Variants in PSMA1 observed in about 807,000 individuals in gnomAD.
PSMA1 encodes proteasome subunit alpha type-1.
In PSMA1, 3 loss-of-function variants were observed where a neutral mutation model predicts 38.4. The ratio of observed to expected loss-of-function variants is 0.08; its 90% confidence interval spans 0.04 to 0.20. The LOEUF (loss-of-function observed/expected upper bound fraction) is 0.20, where lower values mean the gene tolerates loss of function less well. Among genes scored for constraint, PSMA1 ranks in the 10% least tolerant of loss-of-function variants. The pLI is 1.00. For synonymous variants in PSMA1, 101 were observed against 107.1 expected (o/e 0.94, Z 0.35); for missense variants, 227 against 325.3 (o/e 0.70, Z 2.32).
intron 1 of PSMA1, among the ~76,000 whole-genome samples, chr11:14,623,050 T>C (rs1852868396): frequency 6.6e-6 from 1 of 152,204 alleles, no homozygotes; most frequent in African/African-American, 2.4e-5. Flanking sequence ...TTGGTTCTGC[T>C]GGATATGTTA....
intron 2 of PSMA1, among the ~76,000 whole-genome samples, chr11:14,603,987 T>C (rs1852614468): frequency 6.6e-6 from 1 of 152,232 alleles, no homozygotes; most frequent in East Asian, 1.9e-4. Context: ...TATAGTCTTC[T>C]GTTGGATCCC....
chr11:14,505,074 TA>T lies in PSMA1; in HGVS notation c.*117del. The stretch of plus-strand genomic sequence containing the variant: ...AAAAACTCACATCTGGACTGATTCC[TA>T]AAACATAGCATTCCACCACTCTGCA... On this transcript the variant is annotated 3_prime_UTR_variant, in exon 10 of 10. Transcript: ENST00000396394. 1 of 938,738 alleles carries T rather than the reference TA, an allele frequency of 1.1e-6. No individual in the cohort carries two copies. Among genetic ancestry groups the T allele is most frequent in the Non-Finnish European group, 1.7e-6 (1 of 575,108 alleles). 58.2% of individuals were successfully genotyped at this position (938,738 alleles called of 1,614,324 possible).
rs756980966 is a variant in PSMA1, at chr11:14,579,486, CTTTTTTTTT to C, written c.21+31471_21+31479del. Among the ~76,000 whole-genome samples, 3 of 112,506 alleles carry C rather than the reference CTTTTTTTTT, an allele frequency of 2.7e-5. No homozygotes were observed. In the Admixed American group the frequency reaches 2.9e-4, roughly 11 times the overall value. The allele number at this position is 112,506 out of a possible 152,430, so 73.8% of individuals were successfully genotyped here. ...CTTAACTTAATTACAGCTGCAAAGA[CTTTTTTTTT>C]TTTTTTTTTTTTTTAAATAAGGTAA... On this transcript the variant is annotated intron_variant, in intron 2 of 10. Coordinates refer to the PSMA1 transcript ENST00000418988.
At chr11:14,568,005 C>A (rs1250715488) in intron 2 of PSMA1, among the ~76,000 whole-genome samples, 1 of 152,140 alleles carries the variant, frequency 6.6e-6, no homozygotes, top group Non-Finnish European at 1.5e-5. Flanking sequence ...CAGAAACACA[C>A]ATAAAACTAG....
chr11:14,574,847 G>A lies in PSMA1; in HGVS notation c.21+36119C>T, dbSNP rs575979678. 1.7e-4 allele frequency among the ~76,000 whole-genome samples: 26 copies of A among 152,278 alleles called. No individual in the cohort carries two copies. In the South Asian group the frequency reaches 5.4e-3, roughly 32 times the overall value. On this transcript the variant is annotated intron_variant, in intron 2 of 10. Coordinates refer to the PSMA1 transcript ENST00000418988. ...TTGGGTATTATCTTTGCAGCAATGT[G>A]AGAATGGACTTATACAGTAAATTGG...
intron 2 of PSMA1, among the ~76,000 whole-genome samples, chr11:14,550,077 G>A (rs1015337591): frequency 5.9e-5 from 9 of 152,138 alleles, no homozygotes; most frequent in African/African-American, 2.2e-4. Context: ...GAGATGCAAT[G>A]GAGACCATAT....
chr11:14,598,036 A>G lies in PSMA1; in HGVS notation c.21+12930T>C, dbSNP rs183044057. 1.1e-4 allele frequency among the ~76,000 whole-genome samples: 16 copies of G among 152,308 alleles called. No individual in the cohort carries two copies. In the East Asian group the frequency reaches 2.9e-3, roughly 28 times the overall value. The stretch of plus-strand genomic sequence containing the variant: ...GTAGTCACTCAGGAGCAAGTTGTTC[A>G]GTTTCCATGTAGTTGTGTGGTTTTT... On this transcript the variant is annotated intron_variant, in intron 2 of 10. Transcript: ENST00000418988.
chr11:14,634,248 T>C (rs1035936680), intron 1 of PSMA1, among the ~76,000 whole-genome samples: 1 of 152,114 alleles, frequency 6.6e-6, no homozygotes, highest in African/African-American at 2.4e-5. Flanking sequence ...GCCAAAAAGG[T>C]TGGGACTGCT....
intron 2 of PSMA1, among the ~76,000 whole-genome samples, chr11:14,541,570 G>A (rs1851773377): frequency 6.6e-6 from 1 of 152,204 alleles, no homozygotes; most frequent in African/African-American, 2.4e-5. Context: ...AATTGGCAGG[G>A]CTCTGGAGCC....
intron 2 of PSMA1, among the ~76,000 whole-genome samples, chr11:14,592,417 G>A (rs1447518208): frequency 6.3e-5 from 9 of 142,866 alleles, no homozygotes; most frequent in Admixed American, 2.9e-4. Flanking sequence ...ATGGAGTCTC[G>A]CTTTGCTCCC....
chr11:14,619,612 G>A (rs1852816523), intron 1 of PSMA1, among the ~76,000 whole-genome samples: 1 of 152,178 alleles, frequency 6.6e-6, no homozygotes, highest in Non-Finnish European at 1.5e-5. Context: ...ATTCATTTAA[G>A]TGTTTTTTAT....
intron 2 of PSMA1, among the ~76,000 whole-genome samples, chr11:14,531,821 A>C (rs1051969849): frequency 6.6e-6 from 1 of 152,160 alleles, no homozygotes; most frequent in African/African-American, 2.4e-5. Flanking sequence ...AGATTGCATC[A>C]GTAAGATCCC....
At chr11:14,624,026 T>C (rs1465957050) in intron 1 of PSMA1, among the ~76,000 whole-genome samples, 1 of 152,170 alleles carries the variant, frequency 6.6e-6, no homozygotes, top group African/African-American at 2.4e-5. Flanking sequence ...GGGTATAGAA[T>C]ACCACACAAA....
chr11:14,576,471 G>A (rs1222559954), intron 2 of PSMA1, among the ~76,000 whole-genome samples: 1 of 152,172 alleles, frequency 6.6e-6, no homozygotes, highest in African/African-American at 2.4e-5. Flanking sequence ...GTGTAAGTAA[G>A]GGATTCAGTT....
intron 2 of PSMA1, among the ~76,000 whole-genome samples, chr11:14,593,659 A>AGAGAGAGC (rs1336219689): frequency 7.6e-6 from 1 of 131,652 alleles, no homozygotes; most frequent in Non-Finnish European, 1.6e-5. Context: ...AGAGAGAGAG[A>AGAGAGAGC]GAGCGCCAGC....
chr11:14,572,322 C>T (rs1852153945), intron 2 of PSMA1, among the ~76,000 whole-genome samples: 1 of 152,166 alleles, frequency 6.6e-6, no homozygotes, highest in South Asian at 2.1e-4. Flanking sequence ...GTCTCTCAGA[C>T]CACAGTGCAA....
chr11:14,537,995 C>A (rs1228495298), intron 2 of PSMA1, among the ~76,000 whole-genome samples: 2 of 152,100 alleles, frequency 1.3e-5, no homozygotes, highest in East Asian at 3.8e-4. Flanking sequence ...AAGTGTGAGC[C>A]ACCGCGCCTG....
At chr11:14,518,143 C>T (rs1293208574) in intron 2 of PSMA1, among the ~76,000 whole-genome samples, 162 bp from the exon 3 acceptor site, 1 of 151,390 alleles carries the variant, frequency 6.6e-6, no homozygotes, top group Non-Finnish European at 1.5e-5. Flanking sequence ...CTCTGTCACC[C>T]AGGCTGGAGT....
At chr11:14,592,416 C>T (rs1052848011) in intron 2 of PSMA1, among the ~76,000 whole-genome samples, 27 of 149,968 alleles carry the variant, frequency 1.8e-4, no homozygotes, top group African/African-American at 5.9e-4. Flanking sequence ...GATGGAGTCT[C>T]GCTTTGCTCC....
Sources: gnomAD v4.1 joint callset for allele counts (sites outside exome capture counted in the v4.1 genomes callset) on GRCh38, gnomAD v4.1.1 for gene constraint, MANE v1.5 for transcripts, NCBI Gene and HGNC (gene_info 2026-07-23, HGNC 2026-07-21) for gene names.